The following USH2A variants were observed in gnomAD, a reference collection of about 807,000 sequenced individuals.
The protein encoded by USH2A is usherin.
USH2A carries 443 observed loss-of-function variants against 538.9 expected under a neutral mutation model. The observed-to-expected ratio is 0.82, with a 90% confidence interval of 0.76 to 0.89. USH2A has a LOEUF of 0.89. Among genes scored for constraint, USH2A ranks in the 40% least tolerant of loss-of-function variants. The pLI is 0.00. For missense variants in USH2A, 6,633 were observed against 6,324.8 expected (o/e 1.05, Z -1.65); for synonymous variants, 2,413 against 2,273.5 (o/e 1.06, Z -1.75).
intron 51 of USH2A, among the ~76,000 whole-genome samples, chr1:215,789,316 G>A (rs2102769167): frequency 6.6e-6 from 1 of 152,302 alleles, no homozygotes; most frequent in East Asian, 1.9e-4. Flanking sequence ...CAAGGACTGT[G>A]TAGTTGCCTC....
intron 11 of USH2A, among the ~76,000 whole-genome samples, chr1:216,257,402 C>T (rs114427332): frequency 3.3e-5 from 5 of 151,902 alleles, no homozygotes; most frequent in Admixed American, 3.3e-4. Context: ...GTCATTCTTA[C>T]TGTTTTGCCT....
At chr1:216,312,712 G>A (rs1242479566) in intron 9 of USH2A, among the ~76,000 whole-genome samples, 2 of 152,026 alleles carry the variant, frequency 1.3e-5, no homozygotes, top group Non-Finnish European at 2.9e-5. Flanking sequence ...TTCCATTAGA[G>A]CCTTTAGTGT....
intron 19 of USH2A, 95 bp downstream of exon 19, chr1:216,196,458 G>T: frequency 7.2e-7 from 1 of 1,398,546 alleles, no homozygotes; most frequent in East Asian, 2.3e-5. Flanking sequence ...TCAATATAGA[G>T]GGAGAATTCT....
At position 216,422,668 on chromosome 1, in the gene USH2A, G is replaced by A. The variant is rs1451436105; in HGVS notation, c.-204-128C>T. 74 of 300,620 alleles carry A rather than the reference G, an allele frequency of 2.5e-4. 4 individuals are homozygous for A. In the South Asian group the frequency reaches 2.5e-3, roughly 10 times the overall value. 18.6% of individuals were successfully genotyped at this position (300,620 alleles called of 1,614,324 possible). A position where few individuals can be genotyped will look rare whatever the true frequency, so the allele number is the denominator to read the frequency against. ...TGAACTTCTCAAAAAACATTTTGAA[G>A]CACAGTGCTCAGAGTAAAATACTCA... On this transcript the variant is annotated intron_variant, in intron 1 of 71. Transcript: ENST00000307340.
intron 8 of USH2A, among the ~76,000 whole-genome samples, 199 bp downstream of exon 8, chr1:216,323,273 GTT>G (rs1296172514): frequency 1.1e-3 from 114 of 102,204 alleles, no homozygotes; most frequent in African/African-American, 3.7e-3. Flanking sequence ...TATAAAATAC[GTT>G]TTATATATAT....
chr1:215,683,851 AT>A (rs1293831625), intron 61 of USH2A, among the ~76,000 whole-genome samples: 1 of 150,710 alleles, frequency 6.6e-6, no homozygotes, highest in African/African-American at 2.4e-5. Context: ...CTTCCTAATG[AT>A]TTTTTTGACT....
chr1:216,303,861 A>C (rs546196985), intron 9 of USH2A, among the ~76,000 whole-genome samples: 1 of 152,076 alleles, frequency 6.6e-6, no homozygotes, highest in East Asian at 1.9e-4. Context: ...GGCATTTATA[A>C]ATATTTGTTG....
At chr1:215,915,716 T>G (rs1297534558) in intron 38 of USH2A, among the ~76,000 whole-genome samples, 1 of 151,950 alleles carries the variant, frequency 6.6e-6, no homozygotes, top group African/African-American at 2.4e-5. Flanking sequence ...TAAATCATGC[T>G]GCTATAAAGA....
chr1:215,640,521 C>T (rs754323695), intron 68 of USH2A, 37 bp downstream of exon 68: 10 of 1,611,906 alleles, frequency 6.2e-6, no homozygotes, highest in South Asian at 2.2e-5. Flanking sequence ...GGGAACAGAG[C>T]GCCTTCCACA....
chr1:216,205,905 A>G (rs1158400986), intron 16 of USH2A, among the ~76,000 whole-genome samples: 1 of 152,188 alleles, frequency 6.6e-6, no homozygotes, highest in African/African-American at 2.4e-5. Context: ...AATGTTTTTT[A>G]AAGTCAATGA....
At chr1:216,312,775 A>G (rs1164218064) in intron 9 of USH2A, among the ~76,000 whole-genome samples, 1 of 151,880 alleles carries the variant, frequency 6.6e-6, no homozygotes, top group Non-Finnish European at 1.5e-5. Flanking sequence ...TATCCTTTCC[A>G]TGTCTGAGTC....
intron 38 of USH2A, among the ~76,000 whole-genome samples, chr1:215,933,699 CCTT>C (rs1453334746): frequency 6.6e-6 from 1 of 151,794 alleles, no homozygotes; most frequent in East Asian, 1.9e-4. Flanking sequence ...GTTAACCTGC[CCTT>C]CGGATTGCTG....
intron 27 of USH2A, among the ~76,000 whole-genome samples, chr1:216,075,526 G>C: frequency 6.6e-6 from 1 of 152,162 alleles, no homozygotes. Flanking sequence ...AGAGCTCTAA[G>C]ATGACTAATC....
intron 4 of USH2A, among the ~76,000 whole-genome samples, chr1:216,336,141 A>C (rs1185203111): frequency 6.6e-6 from 1 of 151,424 alleles, no homozygotes; most frequent in Admixed American, 6.6e-5. Flanking sequence ...TAATACACAA[A>C]CTTGGAAAAA....
chr1:215,786,853 G>A lies in USH2A; in HGVS notation c.10204C>T (p.Leu3402Phe). 6.2e-7 allele frequency: 1 copy of A among 1,613,898 alleles called. No homozygotes were observed. Residue 3402 changes from leucine (L) to phenylalanine (F), a missense_variant, in exon 52 of 72, where the codon CTC (leucine) becomes TTC (phenylalanine). Leu to Phe is a conservative substitution (Grantham distance 22, BLOSUM62 0). Transcript: ENST00000307340. ...MMKETKECRI[L>F]CPASMEATEH... ...GTGGCTTCCATAGATGCTGGGCAGA[G>A]GATCCTGCACTCTTTGGTTTCCTGA...
In USH2A at chr1:216,231,249, T is replaced by A. The variant is rs1350450491; in HGVS notation, c.2993+704A>T. ...CATATATCCCATATATATATATATA[T>A]TATATATATAATATATATATATAAT... On this transcript the variant is annotated intron_variant, in intron 14 of 71. Transcript: ENST00000307340. Among the ~76,000 whole-genome samples, 60 of 83,748 alleles carry A rather than the reference T, an allele frequency of 7.2e-4. 8 individuals are homozygous for A. Among genetic ancestry groups the A allele is most frequent in the East Asian group, 6.1e-3 (19 of 3,106 alleles). 54.9% of individuals were successfully genotyped at this position (83,748 alleles called of 152,430 possible).
chr1:215,708,809 A>G (rs1338778445), intron 61 of USH2A, among the ~76,000 whole-genome samples: 1 of 152,150 alleles, frequency 6.6e-6, no homozygotes, highest in Non-Finnish European at 1.5e-5. Flanking sequence ...AACAGGCCAC[A>G]GACCAGTACT....
intron 38 of USH2A, among the ~76,000 whole-genome samples, chr1:215,930,020 A>G (rs1666324934): frequency 6.6e-6 from 1 of 152,000 alleles, no homozygotes; most frequent in Admixed American, 6.6e-5. Flanking sequence ...TTGGTTCTCT[A>G]ATAACACATT....
intron 27 of USH2A, among the ~76,000 whole-genome samples, chr1:216,074,278 A>T (rs2031671227): frequency 6.6e-6 from 1 of 151,740 alleles, no homozygotes; most frequent in African/African-American, 2.4e-5. Context: ...AACTGCACGA[A>T]ATTGGGACAA....
Sources: allele counts gnomAD v4.1 joint callset (sites outside exome capture counted in the v4.1 genomes callset), GRCh38; gene constraint gnomAD v4.1.1; transcripts MANE v1.5; gene names NCBI Gene and HGNC (gene_info 2026-07-23, HGNC 2026-07-21).